RGS6: variants seen among roughly 807,000 people sequenced by gnomAD.
RGS6 encodes the protein regulator of G-protein signaling 6.
Under a neutral mutation model 78.5 loss-of-function variants are expected in RGS6, and 30 were observed. The ratio of observed to expected loss-of-function variants is 0.38; its 90% CI spans 0.29 to 0.52. RGS6 has a LOEUF of 0.52. Ranked by LOEUF, RGS6 falls within the 20% of genes least tolerant of loss-of-function variation. RGS6 has a pLI of 0.85. For synonymous variants in RGS6, 206 were observed against 206.0 expected, an observed-to-expected ratio of 1.00 and a Z score of 0.00; for missense variants, 495 against 609.7, an observed-to-expected ratio of 0.81 and a Z score of 1.98.
chr14:71,941,510 T>C (rs896100884), intron 1 of RGS6, among the ~76,000 whole-genome samples: 1 of 152,162 alleles, frequency 6.6e-6, no homozygotes, highest in Non-Finnish European at 1.5e-5. Context: ...GTTTATTAAG[T>C]ATTCACTTAC....
chr14:72,297,429 AT>A (rs56203938), intron 2 of RGS6, among the ~76,000 whole-genome samples: 10,131 of 139,898 alleles, frequency 0.072, 509 homozygotes, highest in East Asian at 0.3. Flanking sequence ...TATTATTATT[AT>A]TTTTTTTTTA....
intron 1 of RGS6, among the ~76,000 whole-genome samples, chr14:71,948,500 A>G (rs772008752): frequency 1.1e-4 from 17 of 152,188 alleles, no homozygotes; most frequent in Non-Finnish European, 1.9e-4. Flanking sequence ...ATCTGCATTT[A>G]TTTGCACTAT....
chr14:72,250,301 C>T (rs1380698235), intron 2 of RGS6, among the ~76,000 whole-genome samples: 1 of 148,446 alleles, frequency 6.7e-6, no homozygotes, highest in Non-Finnish European at 1.5e-5. Flanking sequence ...CCTACAAATT[C>T]TCTTTAAGGA....
chr14:72,467,961 C>T (rs576731298), intron 7 of RGS6, among the ~76,000 whole-genome samples: 7 of 152,284 alleles, frequency 4.6e-5, no homozygotes, highest in African/African-American at 1.7e-4. Context: ...GGGGCCCCTC[C>T]CTCCTGTGTG....
In RGS6 at chr14:72,446,325, T is replaced by C. The variant is rs2095362459; in HGVS notation, c.185-8203T>C. Among the ~76,000 whole-genome samples, 5 of 152,192 alleles carry C rather than the reference T, an allele frequency of 3.3e-5. No individual in the cohort carries two copies. The South Asian group carries it at 8.3e-4, about 25-fold the overall frequency. ...TCATGGAAGTCATAGCAAACTAATA[T>C]AGAAGAGGAAACAGACATCGATCAA... On this transcript the variant is annotated intron_variant, in intron 3 of 17. Transcript: ENST00000553525.
intron 2 of RGS6, chr14:71,990,829 A>C (rs1458507878): frequency 2.2e-6 from 1 of 455,984 alleles, no homozygotes; most frequent in South Asian, 1.5e-5. Context: ...CTTACCACAA[A>C]CATAACAGGT....
chr14:71,985,615 G>T (rs1209272091), intron 2 of RGS6, among the ~76,000 whole-genome samples: 2 of 152,092 alleles, frequency 1.3e-5, no homozygotes, highest in East Asian at 3.9e-4. Context: ...GGCTTCTCTG[G>T]GTTGTTGTAA....
Position 71,964,626 on chromosome 14 carries a change from A to T in RGS6, c.-20-146A>T. The T allele has an allele frequency of 6.8e-6, 4 of 589,530 alleles. 1 individual carries two copies. The highest frequency in any genetic ancestry group is 4.6e-5 in the South Asian group (2 of 43,436). The allele number at this position is 589,530 out of a possible 1,614,324, so 36.5% of individuals were successfully genotyped here. On this transcript the variant is annotated intron_variant, in intron 1 of 17. Coordinates refer to ENST00000553525, the MANE Select transcript of RGS6 (RefSeq NM_001204424.2). The stretch of plus-strand genomic sequence containing the variant: ...AATATTTGTGGATAGTAAGACTGCA[A>T]TCATCCCCTAACTTTAAAAAATGTA...
At chr14:72,409,064 T>G (rs2093183041) in intron 3 of RGS6, among the ~76,000 whole-genome samples, 1 of 152,196 alleles carries the variant, frequency 6.6e-6, no homozygotes, top group African/African-American at 2.4e-5. Context: ...AACTAGCACA[T>G]TATATAAAAA....
At chr14:72,407,731 C>A (rs887594300) in intron 3 of RGS6, among the ~76,000 whole-genome samples, 4 of 152,234 alleles carry the variant, frequency 2.6e-5, no homozygotes, top group Admixed American at 6.5e-5. Flanking sequence ...TTAAAATCCT[C>A]CCCCAGTACT....
chr14:72,139,453 G>C (rs896949369), intron 2 of RGS6, among the ~76,000 whole-genome samples: 7 of 152,190 alleles, frequency 4.6e-5, no homozygotes, highest in African/African-American at 1.4e-4. Context: ...CAGGCGGCTT[G>C]GAGACAGCCA....
chr14:72,460,784 G>C (rs995339789), intron 6 of RGS6, among the ~76,000 whole-genome samples: 3 of 152,110 alleles, frequency 2.0e-5, no homozygotes, highest in Admixed American at 6.6e-5. Flanking sequence ...TGTGGTGAGT[G>C]GGAGGGAGAT....
intron 2 of RGS6, among the ~76,000 whole-genome samples, chr14:72,225,994 G>T (rs2048038729): frequency 6.6e-6 from 1 of 152,158 alleles, no homozygotes; most frequent in Non-Finnish European, 1.5e-5. Flanking sequence ...TAATTTTGGA[G>T]TCTCTGAAGA....
At chr14:71,870,885 C>A in the RGS6 span, among the ~76,000 whole-genome samples, 1 of 152,224 alleles carries the variant, frequency 6.6e-6, no homozygotes, top group Non-Finnish European at 1.5e-5. Flanking sequence ...TTGGGCCTCC[C>A]ATCCCAGTCA....
At chr14:72,227,361 C>G (rs932326889) in intron 2 of RGS6, among the ~76,000 whole-genome samples, 10 of 152,262 alleles carry the variant, frequency 6.6e-5, no homozygotes, top group African/African-American at 2.4e-4. Flanking sequence ...GCAATCCTCT[C>G]CCCTCAACCT....
At chr14:72,619,395 C>CA in the RGS6 span, 1 of 1,535,530 alleles carries the variant, frequency 6.5e-7, no homozygotes. Context: ...GCTTTAGTAG[C>CA]AGCCCCTCTG....
chr14:72,457,055 G>A (rs1597789390), intron 4 of RGS6, among the ~76,000 whole-genome samples: 2 of 136,076 alleles, frequency 1.5e-5, no homozygotes, highest in East Asian at 2.1e-4. Context: ...CTGCACTCCA[G>A]CCTGGGTGAC....
intron 2 of RGS6, among the ~76,000 whole-genome samples, chr14:72,124,782 A>G (rs2096146913): frequency 6.6e-6 from 1 of 152,186 alleles, no homozygotes; most frequent in African/African-American, 2.4e-5. Flanking sequence ...AATTTACATA[A>G]AAGTATCTGG....
chr14:72,371,348 C>T (rs1403951552), intron 3 of RGS6, among the ~76,000 whole-genome samples: 3 of 151,678 alleles, frequency 2.0e-5, no homozygotes, highest in East Asian at 3.9e-4. Context: ...ATTTTTTTCT[C>T]CTGGAAGAAA....
Sources: allele counts gnomAD v4.1 joint callset (sites outside exome capture counted in the v4.1 genomes callset), GRCh38; gene constraint gnomAD v4.1.1; transcripts MANE v1.5; gene names NCBI Gene and HGNC (gene_info 2026-07-23, HGNC 2026-07-21).